FNTB: variants seen among roughly 807,000 people sequenced by gnomAD.
FNTB encodes the protein farnesyltransferase, CAAX box, subunit beta.
A neutral mutation model predicts 59.4 loss-of-function variants in FNTB; 27 were observed. The ratio of observed to expected loss-of-function variants is 0.45; its 90% CI spans 0.34 to 0.63. The LOEUF is 0.63. Among genes scored for constraint, FNTB ranks in the 20% least tolerant of loss-of-function variants. FNTB has a pLI of 0.02. For missense variants in FNTB, 449 were observed against 559.6 expected (o/e 0.80, Z 1.99); for synonymous variants, 230 against 220.7 (o/e 1.04, Z -0.37).
At chr14:65,013,558 C>T (rs1365804782) in intron 3 of FNTB, among the ~76,000 whole-genome samples, 1 of 152,128 alleles carries the variant, frequency 6.6e-6, no homozygotes, top group Non-Finnish European at 1.5e-5. Context: ...TGCATTCTCT[C>T]ATAATTTATG....
intron 1 of FNTB, among the ~76,000 whole-genome samples, chr14:64,998,874 A>G (rs1888499559): frequency 6.6e-6 from 1 of 152,234 alleles, no homozygotes. Context: ...TCTATGACTC[A>G]TAGCAGCATT....
intron 11 of FNTB, among the ~76,000 whole-genome samples, chr14:65,055,778 A>G (rs1332273498): frequency 6.6e-6 from 1 of 152,146 alleles, no homozygotes; most frequent in Non-Finnish European, 1.5e-5. Flanking sequence ...CAGCCTCCCA[A>G]GGTGCCAGGA....
intron 1 of FNTB, among the ~76,000 whole-genome samples, chr14:64,998,462 C>T (rs1392234489): frequency 1.3e-5 from 2 of 152,168 alleles, no homozygotes; most frequent in Non-Finnish European, 2.9e-5. Context: ...ACAAGTGTGA[C>T]CAGTCTGAGA....
chr14:65,044,637 C>T lies in FNTB; in HGVS notation c.955+194C>T. On this transcript the variant is annotated intron_variant, in intron 9 of 11. Transcript: ENST00000246166. This position sits in a 1 kb window ranked among gnomAD's most constrained non-coding sequence, Gnocchi z 5.5. ...AGATTTAGTTTCATTGGTTTAGTGTCATTCTTTGCTTCTTCAAATTGGCTG... is the reference window on the plus strand; with the variant it reads ...AGATTTAGTTTCATTGGTTTAGTGTTATTCTTTGCTTCTTCAAATTGGCTG... The T allele has an allele frequency of 1.2e-6, 1 of 825,870 alleles. No individual in the cohort carries two copies. Among genetic ancestry groups the T allele is most frequent in the South Asian group, 2.4e-5 (1 of 42,430 alleles). 51.2% of individuals were successfully genotyped at this position (825,870 alleles called of 1,614,324 possible). A position where few individuals can be genotyped will look rare whatever the true frequency, so the allele number is the denominator to read the frequency against.
rs1049616048 is a variant in FNTB, at chr14:64,990,298, G to T, written c.144+3201G>T. The stretch of plus-strand genomic sequence containing the variant: ...TGCTCTGTAGATGTGCCCCAGGAGG[G>T]GGCCCTGCACTGACAGGTTGCCTTG... On this transcript the variant is annotated intron_variant, in intron 1 of 11. Transcript: ENST00000246166. This position sits in a 1 kb window ranked among gnomAD's most constrained non-coding sequence, Gnocchi z 5.2. Among the ~76,000 whole-genome samples, 5 of 152,306 alleles carry T rather than the reference G, an allele frequency of 3.3e-5. No individual in the cohort carries two copies. The highest frequency in any genetic ancestry group is 3.4e-3 in the Middle Eastern group (1 of 294).
At chr14:65,060,326 C>T (rs1309916937) in intron 11 of FNTB, among the ~76,000 whole-genome samples, 1 of 151,774 alleles carries the variant, frequency 6.6e-6, no homozygotes, top group African/African-American at 2.4e-5. Flanking sequence ...TGGTGGCTCA[C>T]ACCTGTAACC....
intron 1 of FNTB, among the ~76,000 whole-genome samples, chr14:65,000,859 G>C (rs1292815299): frequency 9.3e-6 from 1 of 107,958 alleles, no homozygotes; most frequent in Middle Eastern, 4.8e-3. Context: ...TACCCAAAAA[G>C]CTGGCTGAAA....
chr14:65,059,549 ATTGTT>A (rs1000089134), intron 11 of FNTB, among the ~76,000 whole-genome samples: 3 of 151,950 alleles, frequency 2.0e-5, no homozygotes, highest in Admixed American at 1.3e-4. Flanking sequence ...TTTAAAAATT[ATTGTT>A]TTATCTGAAT....
At chr14:65,010,919 A>G in intron 2 of FNTB, among the ~76,000 whole-genome samples, 1 of 152,320 alleles carries the variant, frequency 6.6e-6, no homozygotes, top group Middle Eastern at 3.4e-3. Context: ...AACTTGAATT[A>G]AAATTGAATT....
At position 65,030,496 on chromosome 14, in the gene FNTB, T is replaced by G. The variant is rs1019627428; in HGVS notation, c.606-2114T>G. Among the ~76,000 whole-genome samples, 15 of 152,102 alleles carry G rather than the reference T, an allele frequency of 9.9e-5. No homozygotes were observed. Among genetic ancestry groups the G allele is most frequent in the African/African-American group, 3.4e-4 (14 of 41,420 alleles). ...GCTCATGTCTGTAATCTCAACACTT[T>G]GAGAGACTGAGATGAGAGAATCACT... On this transcript the variant is annotated intron_variant, in intron 6 of 11. Coordinates refer to ENST00000246166, the MANE Select transcript of FNTB (RefSeq NM_002028.4). This position sits in a 1 kb window ranked among gnomAD's most constrained non-coding sequence, Gnocchi z 4.5.
In FNTB at chr14:65,043,697, C is replaced by T. The variant is rs993524177; in HGVS notation, c.823-614C>T. 2.6e-5 allele frequency among the ~76,000 whole-genome samples: 4 copies of T among 151,302 alleles called. No individual in the cohort carries two copies. In the South Asian group the frequency reaches 8.4e-4, roughly 32 times the overall value. On this transcript the variant is annotated intron_variant, in intron 8 of 11. Transcript: ENST00000246166. ...ATTAGCCGGGCGCGGTGGCGGGCGC[C>T]TGTGGTCCCAGCTACTCGGGAGGCT...
At chr14:65,038,486 A>C (rs995041857) in intron 7 of FNTB, among the ~76,000 whole-genome samples, 1 of 151,050 alleles carries the variant, frequency 6.6e-6, no homozygotes, top group African/African-American at 2.4e-5. Context: ...TTGGGAGGCC[A>C]AGGCAGGCAG....
intron 11 of FNTB, among the ~76,000 whole-genome samples, chr14:65,060,917 A>C (rs1044207907): frequency 2.0e-5 from 3 of 150,462 alleles, no homozygotes; most frequent in Non-Finnish European, 2.9e-5. Context: ...AGTATTGTAC[A>C]TACTGTTTTC....
chr14:64,987,018 C>T lies in FNTB; in HGVS notation c.65C>T (p.Pro22Leu). ...PPSSSPVWSE[P>L]LYSLRPEHAR... ...TCTTCCTCCCCCGTCTGGTCAGAGC[C>T]GCTGTACAGTCTGAGGCCCGAGCAC... The change falls in exon 1 of 12, where the codon CCG (proline) becomes CTG (leucine). Residue 22 changes from proline to leucine, a missense_variant. By Grantham distance (98) the Pro-to-Leu change is moderately conservative. Around this residue, in one of 2 missense-constraint regions of FNTB, gnomAD observed 112 missense variants for 80.5 expected, o/e 1.39. Transcript: ENST00000246166. The T allele has an allele frequency of 6.2e-7, 1 of 1,614,218 alleles. No individual in the cohort carries two copies. Among genetic ancestry groups the T allele is most frequent in the African/African-American group, 1.3e-5 (1 of 75,058 alleles).
intron 11 of FNTB, among the ~76,000 whole-genome samples, chr14:65,057,446 T>C (rs982124771): frequency 8.5e-5 from 13 of 152,286 alleles, no homozygotes; most frequent in Non-Finnish European, 1.3e-4. Context: ...AAAAATATTT[T>C]AATATTTTAA....
At chr14:65,019,867 C>G (rs1424701716) in intron 4 of FNTB, among the ~76,000 whole-genome samples, 2 of 152,134 alleles carry the variant, frequency 1.3e-5, no homozygotes, top group Admixed American at 1.3e-4. Flanking sequence ...TTAAGGACTT[C>G]TATATAAATA....
chr14:64,994,506 T>C lies in FNTB; in HGVS notation c.144+7409T>C, dbSNP rs946283891. On this transcript the variant is annotated intron_variant, in intron 1 of 11. Coordinates refer to ENST00000246166, the MANE Select transcript of FNTB (RefSeq NM_002028.4). The surrounding 1 kb of genome is among the most constrained non-coding windows in gnomAD (Gnocchi z 4.2). The stretch of plus-strand genomic sequence containing the variant: ...GCTATATGGTATAGCTTGTTGCTCC[T>C]AGGCTACAGGCTACAAACCTACACA... Among the ~76,000 whole-genome samples the C allele has an allele frequency of 6.6e-6, 1 of 152,234 alleles. No homozygotes were observed. The highest frequency in any genetic ancestry group is 2.1e-4 in the South Asian group (1 of 4,834).
chr14:64,998,199 T>C (rs138471102), intron 1 of FNTB, among the ~76,000 whole-genome samples: 31 of 152,364 alleles, frequency 2.0e-4, no homozygotes, highest in African/African-American at 6.3e-4. Context: ...CATCAACCTC[T>C]GAGCTGAAAT....
intron 4 of FNTB, among the ~76,000 whole-genome samples, chr14:65,025,231 G>A (rs1379493625): frequency 3.9e-5 from 6 of 152,154 alleles, no homozygotes; most frequent in South Asian, 4.1e-4. Context: ...TAACTAATTC[G>A]AGGCTTTAGG....
Sources: gnomAD v4.1 joint callset for allele counts (sites outside exome capture counted in the v4.1 genomes callset) on GRCh38, gnomAD v4.1.1 for gene constraint, gnomAD v4.1.1 regional missense constraint, Gnocchi (gnomAD v3.1) non-coding constraint, MANE v1.5 for transcripts, NCBI Gene and HGNC (gene_info 2026-07-23, HGNC 2026-07-21) for gene names.